LINGO1: variants seen among roughly 807,000 people sequenced by gnomAD.
LINGO1 encodes leucine-rich repeat and immunoglobulin-like domain-containing nogo receptor-interacting protein 1.
In LINGO1, 11 loss-of-function variants were observed where a neutral mutation model predicts 37.3. That is an observed-to-expected ratio of 0.29 (90% confidence interval 0.19 to 0.49). LINGO1 has a LOEUF of 0.49. Among genes scored for constraint, LINGO1 ranks in the 20% least tolerant of loss-of-function variants. The probability of loss-of-function intolerance (pLI) is 0.99; values close to 1 mark genes in which losing one functional copy is unlikely to be tolerated. For synonymous variants in LINGO1, 387 were observed against 403.0 expected (o/e 0.96, Z 0.48); for missense variants, 585 against 878.2 (o/e 0.67, Z 4.22).
chr15:77,626,790 TAGTA>T (rs1567465479), intron 1 of LINGO1, among the ~76,000 whole-genome samples: 2 of 152,200 alleles, frequency 1.3e-5, no homozygotes, highest in Admixed American at 6.5e-5. Context: ...TCTGCCTCGG[TAGTA>T]AGTAAGAAGC....
rs770184449 is a variant in LINGO1 at position 77,632,279 on chromosome 15, C to T, written c.6+31G>A. ...GGGGCACTCGCCGCGGGGCTGCCCGCTCGGGGCTCGGCCGCGGCCGCCTGG... is the reference window on the plus strand; with the variant it reads ...GGGGCACTCGCCGCGGGGCTGCCCGTTCGGGGCTCGGCCGCGGCCGCCTGG... On this transcript the variant is annotated intron_variant, in intron 1 of 1. Coordinates refer to ENST00000355300, the MANE Select transcript of LINGO1 (RefSeq NM_032808.7). The surrounding 1 kb of genome is among the most constrained non-coding windows in gnomAD (Gnocchi z 6.0). The T allele has an allele frequency of 9.8e-5, 138 of 1,405,628 alleles. No individual in the cohort carries two copies. The highest frequency in any genetic ancestry group is 1.2e-4 in the Non-Finnish European group (125 of 1,081,496). The allele number at this position is 1,405,628 out of a possible 1,614,324, so 87.1% of individuals were successfully genotyped here.
chr15:77,749,193 C>G (rs2141363271), intron 1 of LINGO1, among the ~76,000 whole-genome samples: 1 of 152,218 alleles, frequency 6.6e-6, no homozygotes, highest in East Asian at 1.9e-4. Flanking sequence ...CAGGGGTGAG[C>G]CACTGCGCCC....
chr15:77,756,167 C>T (rs1245596775), intron 1 of LINGO1, among the ~76,000 whole-genome samples: 1 of 152,198 alleles, frequency 6.6e-6, no homozygotes, highest in Non-Finnish European at 1.5e-5. Flanking sequence ...GACCCTGCCC[C>T]ATCCAGCCCA....
At chr15:77,644,009 G>A (rs1596037110) in intron 3 of LINGO1, among the ~76,000 whole-genome samples, 2 of 152,358 alleles carry the variant, frequency 1.3e-5, no homozygotes, top group East Asian at 1.9e-4. Flanking sequence ...CACGCTGGGA[G>A]AATCCATCAG....
At chr15:77,711,386 A>G (rs896146013) in intron 2 of LINGO1, among the ~76,000 whole-genome samples, 1 of 152,138 alleles carries the variant, frequency 6.6e-6, no homozygotes, top group African/African-American at 2.4e-5. Flanking sequence ...CGAAGATTCC[A>G]TCCTCCTTTG....
intron 1 of LINGO1, among the ~76,000 whole-genome samples, chr15:77,621,407 T>A (rs1041993854): frequency 6.6e-6 from 1 of 152,210 alleles, no homozygotes; most frequent in Non-Finnish European, 1.5e-5. Context: ...AAAGAGATCT[T>A]TCTTACCCAT....
Position 77,695,551 on chromosome 15 carries a change from A to C in LINGO1, c.-281+840T>G, listed in dbSNP as rs1053534641. On this transcript the variant is annotated intron_variant, in intron 1 of 3. Transcript: ENST00000559893. Reference sequence around the variant, plus strand: ...GCCCAAGGAGCCCCCAATCATTGAGAGTGCTCCCCAATCATTAAAGGCATC... The same window carrying C: ...GCCCAAGGAGCCCCCAATCATTGAGCGTGCTCCCCAATCATTAAAGGCATC... 7.2e-5 allele frequency among the ~76,000 whole-genome samples: 11 copies of C among 152,204 alleles called. No individual in the cohort carries two copies. The East Asian group carries it at 2.1e-3, about 29-fold the overall frequency.
upstream of LINGO1, among the ~76,000 whole-genome samples, chr15:77,633,512 G>A (rs1205808027): frequency 6.6e-6 from 1 of 152,218 alleles, no homozygotes; most frequent in East Asian, 1.9e-4. Context: ...GGGCGAGGCA[G>A]GCAGAATGGG....
intron 1 of LINGO1, among the ~76,000 whole-genome samples, chr15:77,760,418 C>T (rs552615721): frequency 2.6e-5 from 4 of 152,348 alleles, no homozygotes; most frequent in Admixed American, 1.3e-4. Context: ...TTTTGTTTGG[C>T]CTGCTCAGTG....
chr15:77,720,366 A>G (rs8027520), intron 2 of LINGO1, among the ~76,000 whole-genome samples: 70,852 of 151,896 alleles, frequency 0.47, 16,976 homozygotes, highest in Admixed American at 0.59. Flanking sequence ...AGGTCCACGC[A>G]CCTGCCCCTC....
chr15:77,752,854 T>A (rs2141369480), intron 1 of LINGO1, among the ~76,000 whole-genome samples: 1 of 152,284 alleles, frequency 6.6e-6, no homozygotes, highest in East Asian at 1.9e-4. Context: ...TGGATGGACT[T>A]CTCACCATCA....
At chr15:77,683,836 TAAA>T (rs60118146) in intron 2 of LINGO1, among the ~76,000 whole-genome samples, 23,188 of 147,738 alleles carry the variant, frequency 0.16, 1,892 homozygotes, top group African/African-American at 0.2. Flanking sequence ...GCTTTTATGG[TAAA>T]AAAAAAAAAA....
At chr15:77,627,402 A>C (rs1201996732) in intron 1 of LINGO1, among the ~76,000 whole-genome samples, 2 of 152,094 alleles carry the variant, frequency 1.3e-5, no homozygotes, top group African/African-American at 4.8e-5. Context: ...AAGGATCTGG[A>C]GGGCCTCGCG....
At chr15:77,802,422 T>C (rs1019722532) in intron 1 of LINGO1, among the ~76,000 whole-genome samples, 24 of 151,930 alleles carry the variant, frequency 1.6e-4, no homozygotes, top group South Asian at 2.1e-4. Context: ...CCCCAAGGTG[T>C]GTGTGTGTGT....
intron 3 of LINGO1, among the ~76,000 whole-genome samples, chr15:77,674,907 C>G (rs2075305212): frequency 6.6e-6 from 1 of 151,938 alleles, no homozygotes; most frequent in Non-Finnish European, 1.5e-5. Context: ...CGGTCCCTAA[C>G]CAAAACAATG....
chr15:77,694,843 T>C (rs1162161723), intron 1 of LINGO1, among the ~76,000 whole-genome samples: 1 of 152,228 alleles, frequency 6.6e-6, no homozygotes, highest in Non-Finnish European at 1.5e-5. Flanking sequence ...GACCACCTTC[T>C]GACCACCTTC....
At chr15:77,747,866 C>T (rs1366897295) in intron 1 of LINGO1, among the ~76,000 whole-genome samples, 1 of 152,118 alleles carries the variant, frequency 6.6e-6, no homozygotes, top group African/African-American at 2.4e-5. Flanking sequence ...TACCCACCTC[C>T]ACACGTCAGT....
At chr15:77,646,669 T>C (rs1448059934) in intron 3 of LINGO1, among the ~76,000 whole-genome samples, 1 of 152,146 alleles carries the variant, frequency 6.6e-6, no homozygotes, top group Non-Finnish European at 1.5e-5. Flanking sequence ...AATTATTCGC[T>C]CATCTCCATC....
chr15:77,763,726 G>A (rs900452215), intron 1 of LINGO1, among the ~76,000 whole-genome samples: 2 of 152,140 alleles, frequency 1.3e-5, no homozygotes, highest in Non-Finnish European at 2.9e-5. Context: ...TTCTATCCAG[G>A]AGGAGACAGG....
Sources: allele counts gnomAD v4.1 joint callset (sites outside exome capture counted in the v4.1 genomes callset), GRCh38; gene constraint gnomAD v4.1.1; non-coding constraint Gnocchi (gnomAD v3.1); transcripts MANE v1.5; gene names NCBI Gene and HGNC (gene_info 2026-07-23, HGNC 2026-07-21).